OSBPL5: variants seen among roughly 807,000 people sequenced by gnomAD.
OSBPL5 encodes the protein oxysterol-binding protein-related protein 5.
OSBPL5 carries 71 observed loss-of-function variants against 111.2 expected under a neutral mutation model. The observed-to-expected ratio is 0.64, with a 90% CI of 0.53 to 0.78. OSBPL5 has a LOEUF of 0.78. Among genes scored for constraint, OSBPL5 ranks in the 30% least tolerant of loss-of-function variants. The probability of loss-of-function intolerance (pLI) is 0.00; values close to 1 mark genes in which losing one functional copy is unlikely to be tolerated. For missense variants in OSBPL5, 1,210 were observed against 1,189.3 expected (o/e 1.02, Z -0.26); for synonymous variants, 549 against 513.9 (o/e 1.07, Z -0.93).
In OSBPL5 at chr11:3,104,406, T is replaced by C. The variant is rs1206449879; in HGVS notation, c.1060-29A>G. The C allele has an allele frequency of 1.9e-6, 3 of 1,597,202 alleles. No homozygotes were observed. Among genetic ancestry groups the C allele is most frequent in the Non-Finnish European group, 2.5e-6 (3 of 1,177,612 alleles). On this transcript the variant is annotated intron_variant, in intron 9 of 21. Transcript: ENST00000263650. This position sits in a 1 kb window ranked among gnomAD's most constrained non-coding sequence, Gnocchi z 5.0. ...CAGCAGACAGGCTGCAGTCAGGCCCTGCCCGGAAGAGCCGGGAGGAAGGGG... is the reference window on the plus strand; with the variant it reads ...CAGCAGACAGGCTGCAGTCAGGCCCCGCCCGGAAGAGCCGGGAGGAAGGGG...
chr11:3,121,422 C>T lies in OSBPL5; in HGVS notation c.402+575G>A, dbSNP rs112220883. ...CTCATTCTAAATACTCACTTTTGCA[C>T]CTAACTTTTGATTCATCATTTTGGT... On this transcript the variant is annotated intron_variant, in intron 5 of 21. Transcript: ENST00000263650. The surrounding 1 kb of genome is among the most constrained non-coding windows in gnomAD (Gnocchi z 4.3). Among the ~76,000 whole-genome samples the T allele has an allele frequency of 5.7e-3, 869 of 152,156 alleles. 7 individuals are homozygous for T. Among genetic ancestry groups the T allele is most frequent in the African/African-American group, 0.02 (834 of 41,516 alleles).
chr11:3,158,597 T>C (rs1326149579), intron 1 of OSBPL5, among the ~76,000 whole-genome samples: 1 of 152,244 alleles, frequency 6.6e-6, no homozygotes, highest in East Asian at 1.9e-4. Flanking sequence ...GGAGCATCAG[T>C]GACACATGAG....
chr11:3,089,802 C>T (rs772358358), intron 21 of OSBPL5, 44 bp downstream of exon 21: 4 of 1,529,778 alleles, frequency 2.6e-6, no homozygotes, highest in Non-Finnish European at 3.5e-6. Flanking sequence ...GTCTCTCGCA[C>T]TCTCTGACCC....
At chr11:3,160,589 G>A (rs1255395261) in intron 1 of OSBPL5, among the ~76,000 whole-genome samples, 3 of 152,182 alleles carry the variant, frequency 2.0e-5, no homozygotes, top group Non-Finnish European at 2.9e-5. Flanking sequence ...GCCAGGAAAG[G>A]GGCGCGGAGA....
chr11:3,163,708 G>A (rs1372698644), intron 1 of OSBPL5, among the ~76,000 whole-genome samples: 1 of 152,220 alleles, frequency 6.6e-6, no homozygotes, highest in East Asian at 1.9e-4. Context: ...AGGACTGCAG[G>A]TCAGAGGCTC....
intron 1 of OSBPL5, among the ~76,000 whole-genome samples, chr11:3,137,457 G>A (rs1241774410): frequency 6.6e-6 from 1 of 152,176 alleles, no homozygotes; most frequent in Non-Finnish European, 1.5e-5. Flanking sequence ...TATGATTCTC[G>A]GAATGCTCGC....
intron 14 of OSBPL5, among the ~76,000 whole-genome samples, chr11:3,099,232 C>T (rs1857377286): frequency 6.6e-6 from 1 of 152,172 alleles, no homozygotes; most frequent in Non-Finnish European, 1.5e-5. Flanking sequence ...TATGTGGCTC[C>T]ATCTAGTCAC....
intron 11 of OSBPL5, 128 bp downstream of exon 11, chr11:3,103,111 A>G: frequency 1.3e-6 from 1 of 754,320 alleles, no homozygotes; most frequent in Non-Finnish European, 2.1e-6. Flanking sequence ...TGTGGGGGTG[A>G]CCAGGATCCT....
At chr11:3,091,966 C>A (rs1450698284) in intron 19 of OSBPL5, among the ~76,000 whole-genome samples, 1 of 152,138 alleles carries the variant, frequency 6.6e-6, no homozygotes, top group Non-Finnish European at 1.5e-5. Context: ...CTGGTGGCCG[C>A]CTAAGGCATG....
In OSBPL5 at chr11:3,165,261, C is replaced by CG. The variant is rs1253588617; in HGVS notation, c.-68dup. On this transcript the variant is annotated 5_prime_UTR_variant, in exon 1 of 22. Coordinates refer to ENST00000263650, the MANE Select transcript of OSBPL5 (RefSeq NM_020896.4). This position sits in a 1 kb window ranked among gnomAD's most constrained non-coding sequence, Gnocchi z 7.4. ...CGGTGCTCCGGGCCGGCCGGGCGCG[C>CG]GGGGGCTCCACTGGCGGCGCGGGCC... The CG allele has an allele frequency of 6.6e-6, 1 of 151,248 alleles. No homozygotes were observed. Among genetic ancestry groups the CG allele is most frequent in the Admixed American group, 6.6e-5 (1 of 15,178 alleles). The allele number at this position is 151,248 out of a possible 1,614,324, so 9.4% of individuals were successfully genotyped here.
At chr11:3,100,054 G>A in intron 14 of OSBPL5, 104 bp downstream of exon 14, 3 of 913,478 alleles carry the variant, frequency 3.3e-6, no homozygotes, top group Admixed American at 5.1e-5. Flanking sequence ...GGCAGATGAA[G>A]GCGAAGTAAA....
intron 12 of OSBPL5, 71 bp from the exon 13 acceptor site, chr11:3,101,770 C>CT: frequency 7.5e-7 from 1 of 1,333,958 alleles, no homozygotes; most frequent in Non-Finnish European, 1.1e-6. Flanking sequence ...AGCCCAGCTT[C>CT]CCCCAAAAAA....
intron 3 of OSBPL5, among the ~76,000 whole-genome samples, chr11:3,123,758 C>T (rs1858504246): frequency 6.6e-6 from 1 of 152,258 alleles, no homozygotes; most frequent in Admixed American, 6.5e-5. Context: ...GGCACCAGGT[C>T]CTGTTCGGGT....
Position 3,103,335 on chromosome 11 carries a change from G to A in OSBPL5, c.1245-15C>T. The A allele has an allele frequency of 1.3e-6, 2 of 1,595,040 alleles. No individual in the cohort carries two copies. The highest frequency in any genetic ancestry group is 1.7e-6 in the Non-Finnish European group (2 of 1,169,946). On this transcript the variant is annotated splice_polypyrimidine_tract_variant and intron_variant, in intron 10 of 21. Coordinates refer to ENST00000263650, the MANE Select transcript of OSBPL5 (RefSeq NM_020896.4). ...CCACCGCAGCCCTGCCATGGGGCAG[G>A]AGAACGCTGACCCCAGCTCCGGGGG...
chr11:3,124,046 G>A (rs1858513901), intron 3 of OSBPL5, among the ~76,000 whole-genome samples: 1 of 152,222 alleles, frequency 6.6e-6, no homozygotes, highest in Non-Finnish European at 1.5e-5. Flanking sequence ...GGAGCCAGGG[G>A]TCAGGTGAGC....
intron 1 of OSBPL5, among the ~76,000 whole-genome samples, chr11:3,148,864 G>A (rs1217943119): frequency 6.6e-6 from 1 of 152,224 alleles, no homozygotes; most frequent in African/African-American, 2.4e-5. Context: ...CAAGTAACCG[G>A]CACAAGATAA....
At chr11:3,149,519 C>A (rs1846494490) in intron 1 of OSBPL5, among the ~76,000 whole-genome samples, 1 of 152,250 alleles carries the variant, frequency 6.6e-6, no homozygotes, top group Non-Finnish European at 1.5e-5. Flanking sequence ...CCATGTGTGC[C>A]TGTGGCAGGG....
chr11:3,112,127 G>A (rs1468496531), intron 7 of OSBPL5, among the ~76,000 whole-genome samples: 3 of 146,968 alleles, frequency 2.0e-5, no homozygotes, highest in South Asian at 2.2e-4. Flanking sequence ...GTGTGTGTGC[G>A]CATATGTGTG....
Position 3,093,805 on chromosome 11 carries a change from G to T in OSBPL5, c.1750C>A (p.Gln584Lys). 6.2e-7 allele frequency: 1 copy of T among 1,612,872 alleles called. No homozygotes were observed. ...PFFGGSTSIN[Q>K]ISGKITSGEE... ...CCCGACGTGATCTTTCCCGAGATCT[G>T]GTTGATGCTGGTGCTACCCCCGAAG... is the stretch of plus-strand genomic sequence containing the variant. Residue 584 changes from glutamine to lysine, a missense_variant, in exon 16 of 22, where the codon CAG becomes AAG. Coordinates refer to ENST00000263650, the MANE Select transcript of OSBPL5 (RefSeq NM_020896.4).
Sources: gnomAD v4.1 joint callset for allele counts (sites outside exome capture counted in the v4.1 genomes callset) on GRCh38, gnomAD v4.1.1 for gene constraint, Gnocchi (gnomAD v3.1) non-coding constraint, MANE v1.5 for transcripts, NCBI Gene and HGNC (gene_info 2026-07-23, HGNC 2026-07-21) for gene names.